The following KRT86 variants were observed in gnomAD, a reference collection of about 807,000 sequenced individuals.
The protein encoded by KRT86 is keratin 86.
In KRT86, 30 loss-of-function variants were observed where a neutral mutation model predicts 41.2. The observed-to-expected ratio is 0.73, with a 90% confidence interval of 0.54 to 0.99. KRT86 has a LOEUF of 0.99. Ranked by LOEUF, KRT86 falls within the 50% of genes least tolerant of loss-of-function variation. The probability of loss-of-function intolerance (pLI) is 0.00; values close to 1 mark genes in which losing one functional copy is unlikely to be tolerated. For synonymous variants in KRT86, 238 were observed against 238.1 expected (o/e 1.00, Z 0.00); for missense variants, 561 against 571.4 (o/e 0.98, Z 0.19).
chr12:52,291,417 C>G, intron 2 of KRT86: 1 of 1,611,864 alleles, frequency 6.2e-7, no homozygotes, highest in Non-Finnish European at 8.5e-7. Flanking sequence ...GGCCCGCAGG[C>G]CGAGATGCAG....
In KRT86 at chr12:52,305,375, G is replaced by A; in HGVS notation, c.871G>A (p.Ala291Thr). The change falls in exon 7 of 11, where the codon GCT (alanine) becomes ACT (threonine). Residue 291 changes from alanine (A) to threonine (T), a missense_variant. Ala to Thr is a moderately conservative substitution (Grantham distance 58, BLOSUM62 0). Coordinates refer to ENST00000423955, the MANE Select transcript of KRT86 (RefSeq NM_001320198.2). ...QYDDIVTRSR[A>T]EAESWYRSKC... ...CGATGACATTGTCACCCGTAGCCGG[G>A]CTGAGGCCGAGTCCTGGTACCGCAG... is the stretch of plus-strand genomic sequence containing the variant. 1 of 1,614,234 alleles carries A rather than the reference G, an allele frequency of 6.2e-7. No individual in the cohort carries two copies. The highest frequency in any genetic ancestry group is 2.2e-5 in the East Asian group (1 of 44,880).
chr12:52,298,548 T>A (rs918859764), intron 2 of KRT86, among the ~76,000 whole-genome samples: 4 of 152,190 alleles, frequency 2.6e-5, no homozygotes, highest in Non-Finnish European at 5.9e-5. Context: ...GATTACACAC[T>A]TAGAGTGTGC....
intron 9 of KRT86, chr12:52,306,829 T>C: frequency 6.0e-6 from 1 of 167,900 alleles, no homozygotes; most frequent in East Asian, 1.6e-4. Context: ...AGTTATGCCT[T>C]GCTTTCAGGA....
chr12:52,299,314 T>A lies in KRT86; in HGVS notation c.-4-2599T>A, dbSNP rs1938319422. Among the ~76,000 whole-genome samples, 4 of 152,266 alleles carry A rather than the reference T, an allele frequency of 2.6e-5. No homozygotes were observed. The South Asian group carries it at 6.2e-4, about 24-fold the overall frequency. ...TTTATGGCTGAATAATATTCCATTG[T>A]GTATCTGTAACATACTTTCTTTATT... On this transcript the variant is annotated intron_variant, in intron 2 of 10. Transcript: ENST00000423955.
intron 2 of KRT86, chr12:52,287,016 C>T: frequency 1.2e-6 from 2 of 1,609,196 alleles, no homozygotes; most frequent in Non-Finnish European, 1.7e-6. Flanking sequence ...CCCCCAGAGC[C>T]CTGGCCATTG....
At chr12:52,287,421 A>G in intron 2 of KRT86, 2 of 1,573,422 alleles carry the variant, frequency 1.3e-6, no homozygotes, top group Non-Finnish European at 1.7e-6. Flanking sequence ...GGAGCACCCC[A>G]GAACAGAGCC....
chr12:52,285,793 G>A (rs10735841), intron 2 of KRT86: 165,034 of 193,638 alleles, frequency 0.85, 70,946 homozygotes, highest in African/African-American at 0.97. Flanking sequence ...CTATGAGGCG[G>A]GGGATAGAAA....
chr12:52,286,868 T>C, intron 2 of KRT86: 7 of 1,610,082 alleles, frequency 4.3e-6, no homozygotes, highest in Non-Finnish European at 5.1e-6. Flanking sequence ...TGCCCCAGAG[T>C]GGCTGAAAAA....
chr12:52,296,399 A>G (rs917623189), intron 2 of KRT86, among the ~76,000 whole-genome samples: 7 of 152,124 alleles, frequency 4.6e-5, no homozygotes, highest in African/African-American at 1.7e-4. Context: ...GCCCACTGGA[A>G]GAGGTGGGCA....
intron 2 of KRT86, among the ~76,000 whole-genome samples, chr12:52,283,470 ATTTTTT>A (rs200241229): frequency 0.013 from 864 of 65,406 alleles, 8 homozygotes; most frequent in African/African-American, 0.054. Flanking sequence ...TAATCCAAGC[ATTTTTT>A]TTTTTTTTTT....
At chr12:52,286,538 T>C in intron 2 of KRT86, 1 of 1,533,596 alleles carries the variant, frequency 6.5e-7, no homozygotes, top group Non-Finnish European at 8.8e-7. Context: ...GGGCAAGCCA[T>C]CCTGCCTTCC....
At chr12:52,276,876 C>G (rs1030972395) in intron 2 of KRT86, among the ~76,000 whole-genome samples, 1 of 152,204 alleles carries the variant, frequency 6.6e-6, no homozygotes, top group Non-Finnish European at 1.5e-5. Flanking sequence ...CCGGTCTTTT[C>G]TTGCTTTCTG....
chr12:52,290,545 C>CCA lies in KRT86; in HGVS notation c.-4-11367_-4-11366dup, dbSNP rs1555186459. Among the ~76,000 whole-genome samples, 2 of 18,320 alleles carry CCA rather than the reference C, an allele frequency of 1.1e-4. 1 individual carries two copies. The highest frequency in any genetic ancestry group is 1.8e-4 in the Non-Finnish European group (2 of 11,140). 12.0% of individuals were successfully genotyped at this position (18,320 alleles called of 152,430 possible). A position where few individuals can be genotyped will look rare whatever the true frequency, so the allele number is the denominator to read the frequency against. On this transcript the variant is annotated intron_variant, in intron 2 of 10. Transcript: ENST00000423955. The stretch of plus-strand genomic sequence containing the variant: ...TGGGGAGTTGAGTGACCCCCCCCCC[C>CCA]CAACCCAAGCAGATGAACAGAAGTG...
chr12:52,287,732 T>C, intron 2 of KRT86: 2 of 1,614,030 alleles, frequency 1.2e-6, no homozygotes, highest in Non-Finnish European at 1.7e-6. Context: ...CTGGGGGAAG[T>C]AGAGATGCTC....
intron 2 of KRT86, chr12:52,286,322 C>A (rs982724643): frequency 6.4e-7 from 1 of 1,554,502 alleles, no homozygotes; most frequent in Non-Finnish European, 8.7e-7. Context: ...GGAGCCCACG[C>A]CGCAGGAACC....
chr12:52,291,063 G>T, intron 2 of KRT86: 1 of 525,184 alleles, frequency 1.9e-6, no homozygotes, highest in Non-Finnish European at 3.0e-6. Flanking sequence ...GTAGGTGGTG[G>T]GGGTTCAGGA....
chr12:52,276,191 CATT>C (rs1454580449), intron 2 of KRT86, among the ~76,000 whole-genome samples: 3 of 152,124 alleles, frequency 2.0e-5, no homozygotes, highest in African/African-American at 7.2e-5. Context: ...CTTGTTTGTA[CATT>C]ATTATCTTTT....
At chr12:52,291,395 C>T (rs558774301) in intron 2 of KRT86, 278 of 1,608,708 alleles carry the variant, frequency 1.7e-4, no homozygotes, top group East Asian at 9.2e-4. Context: ...GATGCAGCAG[C>T]GGCCGGGCCG....
rs1268586407 is a variant in KRT86 at position 52,306,108 on chromosome 12, G to C, written c.1075G>C (p.Ala359Pro). ...GGCTCAGTCTGAGCAGCAGGGTGAG[G>C]CGGCCCTCAGCGATGCCCGCTGCAA... The part of the protein sequence containing the change: ...AVAQSEQQGE[A>P]ALSDARCKLA... Residue 359 changes from alanine to proline, a missense_variant, in exon 9 of 11, where the codon GCG becomes CCG. By Grantham distance (27) the Ala-to-Pro change is conservative. Around this residue, in one of 3 missense-constraint regions of KRT86, gnomAD observed 397 missense variants for 375.9 expected, o/e 1.06. Coordinates refer to ENST00000423955, the MANE Select transcript of KRT86 (RefSeq NM_001320198.2). 5 of 1,613,936 alleles carry C rather than the reference G, an allele frequency of 3.1e-6. No homozygotes were observed. The Admixed American group carries it at 8.3e-5, about 27-fold the overall frequency.
Sources: gnomAD v4.1 joint callset for allele counts (sites outside exome capture counted in the v4.1 genomes callset) on GRCh38, gnomAD v4.1.1 for gene constraint, gnomAD v4.1.1 regional missense constraint, MANE v1.5 for transcripts, NCBI Gene and HGNC (gene_info 2026-07-23, HGNC 2026-07-21) for gene names.